The following HYCC1 variants were observed in gnomAD, a reference collection of about 807,000 sequenced individuals.
The protein encoded by HYCC1 is hyccin.
the HYCC1 span, chr7:22,964,352 A>G: frequency 1.1e-6 from 1 of 926,734 alleles, no homozygotes; most frequent in African/African-American, 1.6e-5. Flanking sequence ...GTGACAATAG[A>G]TGAACAGACT....
the HYCC1 span, among the ~76,000 whole-genome samples, chr7:22,988,478 A>G: frequency 1.6e-4 from 24 of 152,170 alleles, no homozygotes; most frequent in African/African-American, 5.8e-4. Context: ...TTTCCTATTT[A>G]TTCATACTCT....
At chr7:22,993,886 C>G in the HYCC1 span, among the ~76,000 whole-genome samples, 1 of 152,112 alleles carries the variant, frequency 6.6e-6, no homozygotes, top group Non-Finnish European at 1.5e-5. Flanking sequence ...TCTACGAACC[C>G]AGAAATTCTA....
At chr7:22,972,820 G>A in the HYCC1 span, among the ~76,000 whole-genome samples, 2 of 152,230 alleles carry the variant, frequency 1.3e-5, no homozygotes, top group East Asian at 3.9e-4. Flanking sequence ...AATCAGGAAG[G>A]CAAAGCTTAT....
the HYCC1 span, among the ~76,000 whole-genome samples, chr7:22,983,478 C>A: frequency 6.6e-6 from 1 of 152,180 alleles, no homozygotes; most frequent in South Asian, 2.1e-4. Context: ...ATACTATCCC[C>A]ACTGCATGGA....
At chr7:22,961,084 T>G in the HYCC1 span, 2 of 556,522 alleles carry the variant, frequency 3.6e-6, no homozygotes, top group Non-Finnish European at 3.2e-6. Context: ...ATTTGTTACT[T>G]TTCTAAGTTA....
chr7:22,912,297 A>C, the HYCC1 span, among the ~76,000 whole-genome samples: 1 of 152,190 alleles, frequency 6.6e-6, no homozygotes, highest in East Asian at 1.9e-4. Flanking sequence ...AGCTTGACAG[A>C]AGCTCCACTC....
At chr7:22,953,615 C>T in the HYCC1 span, among the ~76,000 whole-genome samples, 2 of 151,852 alleles carry the variant, frequency 1.3e-5, no homozygotes, top group Non-Finnish European at 2.9e-5. Context: ...ATGTGTCAAA[C>T]ATATCAATGT....
At chr7:22,932,191 T>C in the HYCC1 span, among the ~76,000 whole-genome samples, 3 of 152,214 alleles carry the variant, frequency 2.0e-5, no homozygotes, top group Non-Finnish European at 2.9e-5. Flanking sequence ...CCTTGTCTAA[T>C]GGCTTGAACG....
the HYCC1 span, among the ~76,000 whole-genome samples, chr7:22,986,254 G>C: frequency 6.6e-6 from 1 of 152,098 alleles, no homozygotes; most frequent in African/African-American, 2.4e-5. Context: ...TATTAGTGCA[G>C]TAATAATACC....
chr7:22,967,139 T>C, the HYCC1 span, among the ~76,000 whole-genome samples: 1 of 152,216 alleles, frequency 6.6e-6, no homozygotes, highest in Non-Finnish European at 1.5e-5. Flanking sequence ...TGTCAGACTC[T>C]AGAGATATAC....
At chr7:22,967,710 G>A in the HYCC1 span, among the ~76,000 whole-genome samples, 58 of 152,296 alleles carry the variant, frequency 3.8e-4, no homozygotes, top group South Asian at 0.012. Flanking sequence ...ATGGTGGGTA[G>A]GAGGAAGGGT....
At chr7:22,918,980 T>G in the HYCC1 span, among the ~76,000 whole-genome samples, 1 of 151,852 alleles carries the variant, frequency 6.6e-6, no homozygotes, top group Non-Finnish European at 1.5e-5. Flanking sequence ...AAAAACACAC[T>G]CAAGCCAATA....
chr7:23,003,823 G>A, the HYCC1 span, among the ~76,000 whole-genome samples: 1 of 152,116 alleles, frequency 6.6e-6, no homozygotes, highest in African/African-American at 2.4e-5. Flanking sequence ...AGTGCAATGA[G>A]AAAATGTAAG....
chr7:22,929,758 T>G, the HYCC1 span, among the ~76,000 whole-genome samples: 1 of 152,194 alleles, frequency 6.6e-6, no homozygotes, highest in Non-Finnish European at 1.5e-5. Flanking sequence ...TGTAAACTAG[T>G]TCAACCATTG....
the HYCC1 span, chr7:22,945,453 AGT>A: frequency 1.4e-6 from 1 of 703,722 alleles, no homozygotes; most frequent in Non-Finnish European, 2.5e-6. Context: ...CCCTTCATAA[AGT>A]CAGGGGAGCC....
At chr7:23,000,016 C>T in the HYCC1 span, among the ~76,000 whole-genome samples, 1 of 151,904 alleles carries the variant, frequency 6.6e-6, no homozygotes, top group Non-Finnish European at 1.5e-5. Flanking sequence ...AAAAATTCCA[C>T]CAAGAAAGAA....
chr7:22,981,577 G>C, the HYCC1 span, among the ~76,000 whole-genome samples: 1 of 152,062 alleles, frequency 6.6e-6, no homozygotes, highest in Non-Finnish European at 1.5e-5. Context: ...ACATGAACCA[G>C]AATAAAAGCA....
the HYCC1 span, among the ~76,000 whole-genome samples, chr7:22,902,957 A>G: frequency 6.6e-6 from 1 of 152,168 alleles, no homozygotes; most frequent in African/African-American, 2.4e-5. Context: ...ACCAGTAAGC[A>G]CATAAAAAGG....
the HYCC1 span, among the ~76,000 whole-genome samples, chr7:22,920,199 T>G: frequency 6.6e-6 from 1 of 152,064 alleles, no homozygotes; most frequent in African/African-American, 2.4e-5. Flanking sequence ...TATTTTAAGC[T>G]AGGTAGGCAT....
Sources: gnomAD v4.1 joint callset for allele counts (sites outside exome capture counted in the v4.1 genomes callset) on GRCh38, gnomAD v4.1.1 for gene constraint, MANE v1.5 for transcripts, NCBI Gene and HGNC (gene_info 2026-07-23, HGNC 2026-07-21) for gene names.